Variants in LTBP2 observed in about 807,000 individuals in gnomAD.
The protein encoded by LTBP2 is latent transforming growth factor beta binding protein 2, also known as latent-transforming growth factor beta-binding protein 2.
A neutral mutation model predicts 210.6 loss-of-function variants in LTBP2; 103 were observed. The observed-to-expected ratio is 0.49, with a 90% CI of 0.42 to 0.58. The LOEUF (loss-of-function observed/expected upper bound fraction) is 0.58. Ranked by LOEUF, LTBP2 falls within the 20% of genes least tolerant of loss-of-function variation. LTBP2 has a pLI of 0.00. For missense variants in LTBP2, 2,313 were observed against 2,494.5 expected (o/e 0.93, Z 1.55); for synonymous variants, 1,007 against 1,015.0 (o/e 0.99, Z 0.15).
At chr14:74,543,867 G>A (rs928327373) in intron 8 of LTBP2, among the ~76,000 whole-genome samples, 4 of 152,172 alleles carry the variant, frequency 2.6e-5, no homozygotes, top group African/African-American at 7.2e-5. Flanking sequence ...GCCTCTGACT[G>A]CCTCCTCAGA....
chr14:74,599,162 G>C (rs909642259), intron 2 of LTBP2, among the ~76,000 whole-genome samples: 1 of 152,232 alleles, frequency 6.6e-6, no homozygotes, highest in Non-Finnish European at 1.5e-5. Context: ...CTAGAAAAGG[G>C]CCAGTCACTT....
At chr14:74,568,874 C>A (rs4903240) in intron 3 of LTBP2, among the ~76,000 whole-genome samples, 10,000 of 152,144 alleles carry the variant, frequency 0.066, 376 homozygotes, top group Middle Eastern at 0.095. Flanking sequence ...ATCCTATGAA[C>A]CTCATGCTTG....
rs753924296 is a variant in LTBP2, at chr14:74,502,804, C to T, written c.5019G>A (p.Gly1673=). 7 of 1,614,018 alleles carry T rather than the reference C, an allele frequency of 4.3e-6. No individual in the cohort carries two copies. The highest frequency in any genetic ancestry group is 1.7e-5 in the Admixed American group (1 of 60,006). ...DLHYSIYGPD[G]APFYNYLGPE... ...GGCCCAGGTAGTTGTAGAAGGGGGC[C>T]CCATCTGGGCCATAGATGCTGTAGT... is the stretch of plus-strand genomic sequence containing the variant. Residue 1673 remains glycine (G), a synonymous_variant, in exon 34 of 36, where the codon GGG becomes GGA. Coordinates refer to ENST00000261978, the MANE Select transcript of LTBP2 (RefSeq NM_000428.3).
At chr14:74,501,669 C>G in intron 34 of LTBP2, 79 bp from the exon 35 acceptor site, 1 of 1,584,124 alleles carries the variant, frequency 6.3e-7, no homozygotes, top group Non-Finnish European at 8.6e-7. Context: ...CCTCGCCCTT[C>G]TGGACAAAGG....
chr14:74,566,244 C>T (rs1249086744), intron 3 of LTBP2, among the ~76,000 whole-genome samples: 1 of 152,044 alleles, frequency 6.6e-6, no homozygotes, highest in East Asian at 1.9e-4. Context: ...GGAAAGAGAA[C>T]AAAGAAGGGC....
chr14:74,500,909 G>C lies in LTBP2; in HGVS notation c.5441C>G (p.Pro1814Arg). 1 of 1,614,138 alleles carries C rather than the reference G, an allele frequency of 6.2e-7. No homozygotes were observed. ...CSPGYVAEAG[P>R]PHCTAKE ...CTACTCCTTGGCAGTGCAGTGGGGG[G>C]GCCCTGCCTCAGCCACATATCCCGG... is the stretch of plus-strand genomic sequence containing the variant. Residue 1814 changes from proline to arginine, a missense_variant, in exon 36 of 36, where the codon CCC becomes CGC. By Grantham distance (103) the Pro-to-Arg change is moderately radical. Transcript: ENST00000261978.
chr14:74,606,056 C>T (rs1330505320), intron 1 of LTBP2, among the ~76,000 whole-genome samples: 2 of 152,112 alleles, frequency 1.3e-5, no homozygotes, highest in Non-Finnish European at 2.9e-5. Context: ...TGAGCCTGAA[C>T]AGCTGGGATA....
intron 8 of LTBP2, among the ~76,000 whole-genome samples, chr14:74,543,780 T>C (rs2139737555): frequency 6.6e-6 from 1 of 152,298 alleles, no homozygotes; most frequent in East Asian, 1.9e-4. Flanking sequence ...TCTCATAATG[T>C]CCATTATTCA....
intron 1 of LTBP2, among the ~76,000 whole-genome samples, chr14:74,605,294 C>A (rs1431814905): frequency 6.6e-6 from 1 of 152,226 alleles, no homozygotes; most frequent in Non-Finnish European, 1.5e-5. Context: ...AAAGCGGAGG[C>A]CCATTCCTGG....
intron 8 of LTBP2, among the ~76,000 whole-genome samples, chr14:74,544,767 G>A (rs2087556932): frequency 6.6e-6 from 1 of 152,166 alleles, no homozygotes; most frequent in African/African-American, 2.4e-5. Flanking sequence ...TGAAAAATCT[G>A]TTCTTGGTAG....
At position 74,551,124 on chromosome 14, in the gene LTBP2, TGGGGGCAGTGG is replaced by T; in HGVS notation, c.1615_1625del (p.Pro539SerfsTer60). ...GCAGTCCTCGAGGCCTGGGTGCTGCTGGGGGCAGTGGCCGAGGGGGCTCTCCAGACCGAGCA... is the reference window on the plus strand; with the variant it reads ...GCAGTCCTCGAGGCCTGGGTGCTGCTCCGAGGGGGCTCTCCAGACCGAGCA... On this transcript the variant is annotated frameshift_variant, in exon 7 of 36. Coordinates refer to ENST00000261978, the MANE Select transcript of LTBP2 (RefSeq NM_000428.3). LOFTEE classifies it high-confidence loss of function. The T allele has an allele frequency of 6.2e-7, 1 of 1,613,866 alleles. No homozygotes were observed. The highest frequency in any genetic ancestry group is 1.1e-5 in the South Asian group (1 of 91,080).
chr14:74,583,410 C>T (rs1029536020), intron 3 of LTBP2, among the ~76,000 whole-genome samples: 7 of 152,238 alleles, frequency 4.6e-5, no homozygotes, highest in African/African-American at 1.7e-4. Flanking sequence ...TAAAGCAAAA[C>T]ACAGCTGGGC....
chr14:74,500,944 G>A lies in LTBP2; in HGVS notation c.5406C>T (p.Cys1802=). The A allele has an allele frequency of 6.2e-7, 1 of 1,614,170 alleles. No individual in the cohort carries two copies. The highest frequency in any genetic ancestry group is 8.5e-7 in the Non-Finnish European group (1 of 1,180,024). Residue 1802 remains cysteine, a synonymous_variant, in exon 36 of 36, where the codon TGC becomes TGT. Transcript: ENST00000261978. ...YCENTEGSYR[C]HCSPGYVAEA... ...CAGCCACATATCCCGGGGAGCAGTG[G>A]CAGCGGTAGGAGCCCTCTGTGTTCT...
At chr14:74,565,914 C>T (rs866354932) in intron 3 of LTBP2, among the ~76,000 whole-genome samples, 1 of 152,122 alleles carries the variant, frequency 6.6e-6, no homozygotes, top group African/African-American at 2.4e-5. Flanking sequence ...AATTCTTCTC[C>T]AACCTCTGGC....
At chr14:74,527,094 C>A (rs986320765) in intron 13 of LTBP2, among the ~76,000 whole-genome samples, 2 of 152,216 alleles carry the variant, frequency 1.3e-5, no homozygotes, top group African/African-American at 4.8e-5. Context: ...GGGGCCCCAG[C>A]CCATCCCAAA....
At chr14:74,506,862 T>C (rs1566614296) in intron 26 of LTBP2, 39 bp from the exon 27 acceptor site, 1 of 1,547,076 alleles carries the variant, frequency 6.5e-7, no homozygotes. Context: ...GATGTGTGTG[T>C]GTGTGTGTGT....
At chr14:74,556,580 G>A (rs924227953) in intron 3 of LTBP2, among the ~76,000 whole-genome samples, 5 of 152,202 alleles carry the variant, frequency 3.3e-5, no homozygotes, top group Admixed American at 6.5e-5. Context: ...GCAATGGCGC[G>A]ATCTCAGCTC....
chr14:74,509,341 C>T lies in LTBP2; in HGVS notation c.3300G>A (p.Pro1100=), dbSNP rs771009521. 29 of 1,613,406 alleles carry T rather than the reference C, an allele frequency of 1.8e-5. No homozygotes were observed. The highest frequency in any genetic ancestry group is 5.5e-5 in the South Asian group (5 of 91,090). ...ACEDLDECAF[P]GVCPSGVCTN... ...TGCAGACTCCGGAGGGGCAGACTCC[C>T]GGGAAGGCACACTCATCTAGGTCTG... The change falls in exon 22 of 36, where the codon CCG becomes CCA. Residue 1100 remains proline, a synonymous_variant. Transcript: ENST00000261978.
In LTBP2 at chr14:74,502,911, C is replaced by G. The variant is rs137854860; in HGVS notation, c.4912G>C (p.Val1638Leu). 6.2e-7 allele frequency: 1 copy of G among 1,612,378 alleles called. No individual in the cohort carries two copies. The highest frequency in any genetic ancestry group is 8.5e-7 in the Non-Finnish European group (1 of 1,179,978). The change falls in exon 34 of 36, where the codon GTG becomes CTG. Residue 1638 changes from valine to leucine, a missense_variant. Val to Leu is a conservative substitution (Grantham distance 32, BLOSUM62 1). Transcript: ENST00000261978. ...SSEVYAQLCN[V>L]ARIEAEREAG... Reference sequence around the variant, plus strand: ...TCCCGCTCTGCCTCAATGCGAGCCACGTTGCACAGCTGAGCATAGACCTCT... The same window carrying G: ...TCCCGCTCTGCCTCAATGCGAGCCAGGTTGCACAGCTGAGCATAGACCTCT...
Sources: allele counts gnomAD v4.1 joint callset (sites outside exome capture counted in the v4.1 genomes callset), GRCh38; gene constraint gnomAD v4.1.1; transcripts MANE v1.5; gene names NCBI Gene and HGNC (gene_info 2026-07-23, HGNC 2026-07-21).